ARHGEF33: variants seen among roughly 807,000 people sequenced by gnomAD.
ARHGEF33 encodes DH and coiled-coil domain-containing protein ENSP00000381780.
A neutral mutation model predicts 101.9 loss-of-function variants in ARHGEF33; 72 were observed. The ratio of observed to expected loss-of-function variants is 0.71; its 90% CI spans 0.58 to 0.86. The LOEUF (loss-of-function observed/expected upper bound fraction) is 0.86. ARHGEF33 is among the 40% of genes least tolerant of loss of function. ARHGEF33 has a pLI of 0.00. For synonymous variants in ARHGEF33, 499 were observed against 442.5 expected (o/e 1.13, Z -1.60); for missense variants, 1,169 against 1,111.3 (o/e 1.05, Z -0.74).
At chr2:38,949,771 C>T (rs758889742) in intron 10 of ARHGEF33, among the ~76,000 whole-genome samples, 6 of 152,112 alleles carry the variant, frequency 3.9e-5, no homozygotes, top group African/African-American at 4.8e-5. Flanking sequence ...ACAGGAAGCA[C>T]GATGCTGGCA....
Position 38,960,380 on chromosome 2 carries a change from T to C in ARHGEF33, c.2075T>C (p.Leu692Pro). Reference sequence around the variant, plus strand: ...GCGGGCAGCAGCAGCGCCTACAAACTGGAGGCGGCGGCGCAGGCGCACGGC... The same window carrying C: ...GCGGGCAGCAGCAGCGCCTACAAACCGGAGGCGGCGGCGCAGGCGCACGGC... ...SPAGSSSAYK[L>P]EAAAQAHGKA... Residue 692 changes from leucine to proline, a missense_variant, in exon 16 of 18, where the codon CTG becomes CCG. Transcript: ENST00000409978. 1 of 1,513,818 alleles carries C rather than the reference T, an allele frequency of 6.6e-7. No individual in the cohort carries two copies. Among genetic ancestry groups the C allele is most frequent in the Non-Finnish European group, 8.8e-7 (1 of 1,136,804 alleles). The allele number at this position is 1,513,818 out of a possible 1,614,324, so 93.8% of individuals were successfully genotyped here.
At chr2:38,951,734 A>T (rs1442928687) in intron 11 of ARHGEF33, among the ~76,000 whole-genome samples, 1 of 151,356 alleles carries the variant, frequency 6.6e-6, no homozygotes, top group East Asian at 1.9e-4. Flanking sequence ...AGATATATAC[A>T]CACACATGCA....
chr2:38,911,277 AG>A (rs1291204407), intron 2 of ARHGEF33, among the ~76,000 whole-genome samples: 1 of 152,222 alleles, frequency 6.6e-6, no homozygotes, highest in Non-Finnish European at 1.5e-5. Flanking sequence ...TTCAGGGGAA[AG>A]TATTTCCTCA....
At chr2:38,962,621 G>T (rs79416732) in intron 16 of ARHGEF33, among the ~76,000 whole-genome samples, 430 of 152,158 alleles carry the variant, frequency 2.8e-3, no homozygotes, top group Middle Eastern at 6.8e-3. Context: ...AGTTAAAAGA[G>T]GCATTTTCTC....
chr2:38,938,268 G>T (rs1001578628), intron 9 of ARHGEF33, among the ~76,000 whole-genome samples: 1 of 152,152 alleles, frequency 6.6e-6, no homozygotes, highest in Non-Finnish European at 1.5e-5. Context: ...AGGCATGGTG[G>T]TTCACACTTG....
At chr2:38,904,707 C>CAA (rs34383703) in intron 2 of ARHGEF33, among the ~76,000 whole-genome samples, 74,895 of 128,072 alleles carry the variant, frequency 0.58, 23,310 homozygotes, top group East Asian at 0.79. Context: ...GACTCTGTAT[C>CAA]AAAAAAAAAA....
rs3085350 is a variant in ARHGEF33 at position 38,955,481 on chromosome 2, C to CTTTTTTT, written c.1221+1044_1221+1050dup. On this transcript the variant is annotated intron_variant, in intron 13 of 17. Coordinates refer to ENST00000409978, the MANE Select transcript of ARHGEF33 (RefSeq NM_001145451.5). ...TATCAAAGCATCAATATTGAAAAGA[C>CTTTTTTT]TTTTTTTTTTTTTTTTTTTTTTTTT... Among the ~76,000 whole-genome samples, 100 of 71,176 alleles carry CTTTTTTT rather than the reference C, an allele frequency of 1.4e-3. 11 individuals carry two copies. The highest frequency in any genetic ancestry group is 2.0e-3 in the South Asian group (3 of 1,496). 46.7% of individuals were successfully genotyped at this position (71,176 alleles called of 152,430 possible). A position where few individuals can be genotyped will look rare whatever the true frequency, so the allele number is the denominator to read the frequency against.
chr2:38,901,680 C>T (rs773146709), intron 2 of ARHGEF33, among the ~76,000 whole-genome samples: 2 of 152,172 alleles, frequency 1.3e-5, no homozygotes, highest in African/African-American at 4.8e-5. Flanking sequence ...GTCTTACGGT[C>T]GTTCCAGAGA....
intron 2 of ARHGEF33, among the ~76,000 whole-genome samples, chr2:38,911,799 C>T (rs1191681496): frequency 6.6e-6 from 1 of 152,050 alleles, no homozygotes; most frequent in East Asian, 1.9e-4. Context: ...TTGCTTGAGC[C>T]CAGGAGGTTG....
intron 6 of ARHGEF33, among the ~76,000 whole-genome samples, chr2:38,930,500 T>C (rs1294180659): frequency 6.6e-6 from 1 of 151,762 alleles, no homozygotes; most frequent in African/African-American, 2.4e-5. Context: ...GGTGTGGCCA[T>C]CACGCTAGCT....
At chr2:38,912,021 G>C (rs997571857) in intron 2 of ARHGEF33, among the ~76,000 whole-genome samples, 3 of 152,230 alleles carry the variant, frequency 2.0e-5, no homozygotes, top group African/African-American at 4.8e-5. Context: ...ACTCAAGACA[G>C]ACTCAAGAAA....
intron 2 of ARHGEF33, among the ~76,000 whole-genome samples, chr2:38,912,955 G>A (rs1021367916): frequency 1.3e-5 from 2 of 151,914 alleles, no homozygotes; most frequent in African/African-American, 4.8e-5. Flanking sequence ...TTGGCATATA[G>A]CAGCTGTTCA....
intron 17 of ARHGEF33, among the ~76,000 whole-genome samples, chr2:38,969,980 G>A (rs1042087688): frequency 3.9e-5 from 6 of 152,174 alleles, no homozygotes; most frequent in East Asian, 1.9e-4. Context: ...TAATGTTAAC[G>A]CGTATTCTTG....
At chr2:38,964,786 C>T (rs1464334155) in intron 16 of ARHGEF33, among the ~76,000 whole-genome samples, 1 of 152,024 alleles carries the variant, frequency 6.6e-6, no homozygotes, top group African/African-American at 2.4e-5. Flanking sequence ...GGGAACCCTC[C>T]CTTAAATCAT....
At chr2:38,960,823 C>T (rs955796802) in intron 16 of ARHGEF33, among the ~76,000 whole-genome samples, 175 bp downstream of exon 16, 2 of 152,164 alleles carry the variant, frequency 1.3e-5, no homozygotes, top group African/African-American at 4.8e-5. Context: ...CCCCCGCGCC[C>T]TGCGAGCTGT....
At chr2:38,964,490 G>A (rs986284029) in intron 16 of ARHGEF33, among the ~76,000 whole-genome samples, 2 of 151,478 alleles carry the variant, frequency 1.3e-5, no homozygotes, top group African/African-American at 4.9e-5. Context: ...CCACTCCCCA[G>A]CATTAGCATC....
Position 38,895,772 on chromosome 2 carries a change from T to A in ARHGEF33, c.-158-5T>A, listed in dbSNP as rs180861758. On this transcript the variant is annotated splice_polypyrimidine_tract_variant and splice_region_variant and intron_variant, in intron 1 of 17. Coordinates refer to ENST00000409978, the MANE Select transcript of ARHGEF33 (RefSeq NM_001145451.5). Reference sequence around the variant, plus strand: ...CAATGGCGTTTTTTTTTTTTTTTTTTACAGAACTTCTAGAGAAAACAAGAA... The same window carrying A: ...CAATGGCGTTTTTTTTTTTTTTTTTAACAGAACTTCTAGAGAAAACAAGAA... 7.2e-5 allele frequency: 11 copies of A among 151,800 alleles called. No individual in the cohort carries two copies. In the East Asian group the frequency reaches 1.7e-3, roughly 24 times the overall value. The allele number at this position is 151,800 out of a possible 1,614,324, so 9.4% of individuals were successfully genotyped here.
chr2:38,960,480 C>T lies in ARHGEF33; in HGVS notation c.2175C>T (p.Leu725=). ...APPADGVAPR[L]YSTRSSSGGR... is the part of the protein sequence containing the mutation. ...CAGCCGACGGCGTGGCCCCACGCCT[C>T]TACAGCACGCGCAGCAGCAGCGGCG... The change falls in exon 16 of 18, where the codon CTC becomes CTT. Residue 725 remains leucine, a synonymous_variant. Transcript: ENST00000409978. 1.4e-6 allele frequency: 2 copies of T among 1,423,352 alleles called. No homozygotes were observed. The highest frequency in any genetic ancestry group is 1.8e-6 in the Non-Finnish European group (2 of 1,091,664). 88.2% of individuals were successfully genotyped at this position (1,423,352 alleles called of 1,614,324 possible).
chr2:38,913,937 A>T (rs1371108997), intron 2 of ARHGEF33, among the ~76,000 whole-genome samples: 1 of 152,194 alleles, frequency 6.6e-6, no homozygotes, highest in Non-Finnish European at 1.5e-5. Flanking sequence ...ACCCAAAAGA[A>T]AATTAGGCAA....
Sources: allele counts gnomAD v4.1 joint callset (sites outside exome capture counted in the v4.1 genomes callset), GRCh38; gene constraint gnomAD v4.1.1; transcripts MANE v1.5; gene names NCBI Gene and HGNC (gene_info 2026-07-23, HGNC 2026-07-21).